Variants in AMBRA1 observed in about 807,000 individuals in gnomAD.
AMBRA1 encodes the protein autophagy and beclin 1 regulator 1, also known as activating molecule in BECN1-regulated autophagy protein 1.
A neutral mutation model predicts 125.4 loss-of-function variants in AMBRA1; 47 were observed. That is an observed-to-expected ratio of 0.37 (90% CI 0.30 to 0.48). The LOEUF is 0.48. Ranked by LOEUF, AMBRA1 falls within the 20% of genes least tolerant of loss-of-function variation. The pLI, the probability that AMBRA1 is intolerant of heterozygous loss-of-function variation, is 0.99. For synonymous variants in AMBRA1, 626 were observed against 655.5 expected (o/e 0.95, Z 0.69); for missense variants, 1,331 against 1,693.4 (o/e 0.79, Z 3.76).
intron 11 of AMBRA1, among the ~76,000 whole-genome samples, chr11:46,487,155 G>C (rs1950297228): frequency 6.6e-6 from 1 of 151,884 alleles, no homozygotes; most frequent in Non-Finnish European, 1.5e-5. Context: ...CTACTCAGGA[G>C]GCTGAGGTAG....
At chr11:46,545,161 C>CGGGGGGGGGG (rs59510298) in intron 5 of AMBRA1, among the ~76,000 whole-genome samples, 2 of 33,744 alleles carry the variant, frequency 5.9e-5, no homozygotes, top group Non-Finnish European at 1.0e-4. Flanking sequence ...AAAAAAAAGC[C>CGGGGGGGGGG]GGGGGGGGGG....
chr11:46,433,732 T>C, intron 13 of AMBRA1, 104 bp from the exon 14 acceptor site: 1 of 1,217,302 alleles, frequency 8.2e-7, no homozygotes, highest in Non-Finnish European at 1.2e-6. Flanking sequence ...TCATATTCAC[T>C]TGCTCATCCT....
chr11:46,400,530 C>A, intron 17 of AMBRA1, among the ~76,000 whole-genome samples: 1 of 111,286 alleles, frequency 9.0e-6, no homozygotes, highest in Non-Finnish European at 1.7e-5. Flanking sequence ...CTCGCTATGT[C>A]ACCTAAACTG....
chr11:46,461,964 GC>G (rs926599801), intron 11 of AMBRA1, among the ~76,000 whole-genome samples: 1 of 152,006 alleles, frequency 6.6e-6, no homozygotes, highest in Admixed American at 6.6e-5. Flanking sequence ...GTCTCATACT[GC>G]CCCCCACTAT....
intron 11 of AMBRA1, among the ~76,000 whole-genome samples, chr11:46,452,357 GT>G (rs1273471201): frequency 1.3e-5 from 2 of 151,922 alleles, no homozygotes; most frequent in African/African-American, 4.8e-5. Context: ...TGTTGTTGTT[GT>G]TTGTTTTTTA....
At chr11:46,438,502 A>C (rs1302347767) in intron 12 of AMBRA1, among the ~76,000 whole-genome samples, 1 of 152,252 alleles carries the variant, frequency 6.6e-6, no homozygotes, top group African/African-American at 2.4e-5. Context: ...AGCAATTAGC[A>C]GTTGCAGTGC....
At chr11:46,445,862 A>T (rs565936230) in intron 11 of AMBRA1, among the ~76,000 whole-genome samples, 1 of 152,352 alleles carries the variant, frequency 6.6e-6, no homozygotes, top group African/African-American at 2.4e-5. Context: ...GAGGGTAGAA[A>T]ATAAATTGAA....
At chr11:46,475,284 G>A (rs1372092747) in intron 11 of AMBRA1, among the ~76,000 whole-genome samples, 1 of 152,188 alleles carries the variant, frequency 6.6e-6, no homozygotes, top group Non-Finnish European at 1.5e-5. Context: ...GTAGTTATGG[G>A]TGTGTCTCCA....
At chr11:46,525,745 C>A (rs549119879) in intron 7 of AMBRA1, among the ~76,000 whole-genome samples, 1 of 150,128 alleles carries the variant, frequency 6.7e-6, no homozygotes, top group East Asian at 2.0e-4. Flanking sequence ...AGCAAGACTC[C>A]GTCTCAAAAA....
At chr11:46,547,041 AG>A (rs1953055590) in intron 4 of AMBRA1, 71 bp downstream of exon 4, 1 of 1,423,906 alleles carries the variant, frequency 7.0e-7, no homozygotes, top group Admixed American at 2.2e-5. Context: ...ACTGGGCAAC[AG>A]AGCGAGACTC....
At chr11:46,560,280 T>C (rs1426857142) in intron 1 of AMBRA1, among the ~76,000 whole-genome samples, 1 of 152,162 alleles carries the variant, frequency 6.6e-6, no homozygotes, top group African/African-American at 2.4e-5. Flanking sequence ...AAGACCGACC[T>C]CTGTATAGGA....
At chr11:46,534,652 C>A (rs192719048) in intron 7 of AMBRA1, among the ~76,000 whole-genome samples, 1 of 152,250 alleles carries the variant, frequency 6.6e-6, no homozygotes, top group African/African-American at 2.4e-5. Flanking sequence ...AGGAAGCAGT[C>A]CTTGTGCATA....
At chr11:46,550,569 G>A (rs558053425) in intron 1 of AMBRA1, among the ~76,000 whole-genome samples, 1 of 152,104 alleles carries the variant, frequency 6.6e-6, no homozygotes, top group African/African-American at 2.4e-5. Flanking sequence ...TTTTTAATGG[G>A]GGGAGATGCT....
chr11:46,514,966 T>C (rs185032176), intron 7 of AMBRA1, among the ~76,000 whole-genome samples: 1 of 152,202 alleles, frequency 6.6e-6, no homozygotes, highest in Non-Finnish European at 1.5e-5. Context: ...TTATTTATCA[T>C]TTAACAAACC....
intron 17 of AMBRA1, 117 bp downstream of exon 17, chr11:46,408,396 T>G: frequency 8.7e-7 from 1 of 1,147,052 alleles, no homozygotes. Context: ...AGGCTCTTAA[T>G]GCCACCAGGT....
At chr11:46,419,802 G>A (rs932347141) in intron 14 of AMBRA1, among the ~76,000 whole-genome samples, 6 of 152,062 alleles carry the variant, frequency 3.9e-5, no homozygotes, top group Non-Finnish European at 8.8e-5. Context: ...TCCTGATGAG[G>A]GATGAAGGTG....
At chr11:46,447,174 CA>C (rs1226667016) in intron 11 of AMBRA1, among the ~76,000 whole-genome samples, 3 of 151,748 alleles carry the variant, frequency 2.0e-5, no homozygotes, top group African/African-American at 7.3e-5. Context: ...TTTGGGAGGC[CA>C]AGGTGGGCAG....
chr11:46,550,640 C>T (rs1000510617), intron 1 of AMBRA1, among the ~76,000 whole-genome samples: 2 of 152,066 alleles, frequency 1.3e-5, no homozygotes, highest in African/African-American at 4.8e-5. Flanking sequence ...CTTTCTTGTA[C>T]AAATAATAAA....
intron 1 of AMBRA1, among the ~76,000 whole-genome samples, chr11:46,583,088 T>C (rs2044234144): frequency 6.6e-6 from 1 of 152,172 alleles, no homozygotes; most frequent in Non-Finnish European, 1.5e-5. Flanking sequence ...TCACGCTACC[T>C]GACTTCAAAC....
Sources: allele counts gnomAD v4.1 joint callset (sites outside exome capture counted in the v4.1 genomes callset), GRCh38; gene constraint gnomAD v4.1.1; transcripts MANE v1.5; gene names NCBI Gene and HGNC (gene_info 2026-07-23, HGNC 2026-07-21).